Variants in BRD10 observed in about 807,000 individuals in gnomAD.
BRD10 encodes uncharacterized bromodomain-containing protein 10.
the BRD10 span, among the ~76,000 whole-genome samples, chr9:5,881,393 C>T: frequency 1.3e-5 from 2 of 152,208 alleles, no homozygotes; most frequent in African/African-American, 4.8e-5. Flanking sequence ...GAAAAAGTGC[C>T]TCCAGAGACA....
the BRD10 span, among the ~76,000 whole-genome samples, chr9:5,960,333 G>A: frequency 6.6e-6 from 1 of 152,090 alleles, no homozygotes; most frequent in Admixed American, 6.6e-5. Context: ...AGGCCGAGGT[G>A]GGCCGATCAC....
At chr9:5,954,104 A>T in the BRD10 span, 2 of 1,485,900 alleles carry the variant, frequency 1.3e-6, no homozygotes, top group Middle Eastern at 1.8e-4. Flanking sequence ...TCCTTTCAAG[A>T]TTAAAAGAGA....
At chr9:5,981,946 T>C in the BRD10 span, among the ~76,000 whole-genome samples, 1 of 152,132 alleles carries the variant, frequency 6.6e-6, no homozygotes, top group East Asian at 1.9e-4. Flanking sequence ...GCTCGGGTGA[T>C]GGGTGCACCA....
At chr9:5,920,548 A>G in the BRD10 span, 1 of 1,613,936 alleles carries the variant, frequency 6.2e-7, no homozygotes, top group Non-Finnish European at 8.5e-7. Flanking sequence ...TTTTACCTGG[A>G]CTTGTTGAAA....
the BRD10 span, among the ~76,000 whole-genome samples, chr9:5,900,269 C>T: frequency 6.6e-6 from 1 of 152,266 alleles, no homozygotes; most frequent in East Asian, 1.9e-4. Context: ...AAACTCTATG[C>T]CTCCATTCCT....
the BRD10 span, among the ~76,000 whole-genome samples, chr9:5,882,163 C>T: frequency 5.9e-5 from 9 of 152,282 alleles, no homozygotes; most frequent in South Asian, 1.0e-3. Context: ...GAACCCAGTA[C>T]TGTGTAACTG....
At chr9:5,921,517 T>A in the BRD10 span, 2 of 1,613,770 alleles carry the variant, frequency 1.2e-6, no homozygotes, top group African/African-American at 2.7e-5. Context: ...TCAGCGCAGG[T>A]GTCATATTAA....
chr9:6,004,052 C>T, the BRD10 span, among the ~76,000 whole-genome samples: 2 of 152,114 alleles, frequency 1.3e-5, no homozygotes, highest in African/African-American at 4.8e-5. Context: ...TTCGGAATGC[C>T]CCAGTTAAAC....
At chr9:5,981,703 T>C in the BRD10 span, among the ~76,000 whole-genome samples, 5 of 152,212 alleles carry the variant, frequency 3.3e-5, no homozygotes, top group Admixed American at 2.0e-4. Flanking sequence ...ATGTTTACTA[T>C]AGCATTCTAT....
chr9:5,947,700 C>T, the BRD10 span, among the ~76,000 whole-genome samples: 2 of 151,904 alleles, frequency 1.3e-5, no homozygotes, highest in Non-Finnish European at 2.9e-5. Flanking sequence ...TATGCCAACT[C>T]GATGTCATAT....
chr9:5,907,172 A>C, the BRD10 span: 8 of 379,928 alleles, frequency 2.1e-5, no homozygotes, highest in African/African-American at 1.3e-4. Flanking sequence ...TATGAGAATA[A>C]AAAATAAATA....
At chr9:5,893,423 T>C in the BRD10 span, among the ~76,000 whole-genome samples, 5 of 152,136 alleles carry the variant, frequency 3.3e-5, no homozygotes, top group Admixed American at 2.6e-4. Context: ...CAATCTTTGT[T>C]AACAGTCAAC....
chr9:5,925,277 T>A, the BRD10 span, among the ~76,000 whole-genome samples: 1 of 150,758 alleles, frequency 6.6e-6, no homozygotes, highest in Non-Finnish European at 1.5e-5. Context: ...GAGAACTGCT[T>A]GAACCCAGGA....
chr9:5,882,510 A>C, the BRD10 span, among the ~76,000 whole-genome samples: 1 of 152,362 alleles, frequency 6.6e-6, no homozygotes, highest in African/African-American at 2.4e-5. Context: ...TGATAACAAA[A>C]GACTGCAAAA....
At chr9:5,943,398 G>T in the BRD10 span, among the ~76,000 whole-genome samples, 2 of 151,900 alleles carry the variant, frequency 1.3e-5, no homozygotes, top group African/African-American at 4.8e-5. Context: ...TAAAAAATTG[G>T]CAACTTTATT....
the BRD10 span, among the ~76,000 whole-genome samples, chr9:5,997,948 G>C: frequency 6.6e-6 from 1 of 152,162 alleles, no homozygotes; most frequent in Admixed American, 6.5e-5. Flanking sequence ...GTTTTGTAAA[G>C]GACAGTCAAG....
At chr9:5,879,015 G>A in the BRD10 span, among the ~76,000 whole-genome samples, 1 of 152,214 alleles carries the variant, frequency 6.6e-6, no homozygotes, top group Non-Finnish European at 1.5e-5. Context: ...CCCCCATGGA[G>A]TTCTCACTTT....
chr9:5,995,037 T>C, the BRD10 span, among the ~76,000 whole-genome samples: 1 of 152,082 alleles, frequency 6.6e-6, no homozygotes, highest in Non-Finnish European at 1.5e-5. Context: ...GTAGCTGGGA[T>C]TACAGGCATA....
chr9:5,963,537 C>A, the BRD10 span, among the ~76,000 whole-genome samples: 2 of 149,334 alleles, frequency 1.3e-5, no homozygotes. Flanking sequence ...ACTTTCTTCA[C>A]AGAATTGGAA....
Sources: allele counts gnomAD v4.1 joint callset (sites outside exome capture counted in the v4.1 genomes callset), GRCh38; gene constraint gnomAD v4.1.1; transcripts MANE v1.5; gene names NCBI Gene and HGNC (gene_info 2026-07-23, HGNC 2026-07-21).